ENKUR: variants seen among roughly 807,000 people sequenced by gnomAD.
ENKUR encodes the protein enkurin.
In ENKUR, 19 loss-of-function variants were observed where a neutral mutation model predicts 27.6. The observed-to-expected ratio is 0.69, with a 90% CI of 0.48 to 1.01. ENKUR has a LOEUF of 1.01. ENKUR is among the 50% of genes least tolerant of loss of function. The pLI is 0.00. For missense variants in ENKUR, 312 were observed against 310.5 expected, an observed-to-expected ratio of 1.00 and a Z score of -0.04; for synonymous variants, 117 against 96.9, an observed-to-expected ratio of 1.21 and a Z score of -1.22.
At chr10:25,036,628 C>A (rs1191490408) in intron 2 of ENKUR, among the ~76,000 whole-genome samples, 1 of 152,228 alleles carries the variant, frequency 6.6e-6, no homozygotes, top group Non-Finnish European at 1.5e-5. Context: ...GCTCTGACTT[C>A]AAGCTTGCAC....
intron 1 of ENKUR, among the ~76,000 whole-genome samples, chr10:25,012,298 A>C (rs1194734185): frequency 1.3e-5 from 2 of 152,230 alleles, no homozygotes; most frequent in African/African-American, 2.4e-5. Flanking sequence ...GGAGCCCCCC[A>C]CACAGAATTC....
chr10:25,018,571 A>G (rs1314870813), upstream of ENKUR, among the ~76,000 whole-genome samples: 1 of 151,990 alleles, frequency 6.6e-6, no homozygotes. Context: ...ATGGTGGGCC[A>G]GATTTAGCCT....
chr10:25,048,890 C>G (rs1851151789), intron 2 of ENKUR, among the ~76,000 whole-genome samples: 1 of 150,980 alleles, frequency 6.6e-6, no homozygotes, highest in South Asian at 2.1e-4. Context: ...AGATACAGAT[C>G]AACTTGGAAA....
chr10:25,021,421 T>C (rs867037344), intron 2 of ENKUR, among the ~76,000 whole-genome samples: 10 of 152,212 alleles, frequency 6.6e-5, no homozygotes, highest in Admixed American at 2.6e-4. Flanking sequence ...TTTTCCCCTC[T>C]GATCATTATA....
intron 1 of ENKUR, among the ~76,000 whole-genome samples, chr10:25,009,235 C>A (rs527467520): frequency 6.6e-6 from 1 of 151,484 alleles, no homozygotes; most frequent in South Asian, 2.1e-4. Context: ...TGCATATGTA[C>A]CCTAAACCTT....
chr10:25,024,206 C>T, intron 2 of ENKUR: 1 of 1,614,208 alleles, frequency 6.2e-7, no homozygotes, highest in Non-Finnish European at 8.5e-7. Flanking sequence ...TCAAAAATTG[C>T]TCCTGTCAGG....
intron 2 of ENKUR, among the ~76,000 whole-genome samples, chr10:25,033,401 C>CAAAAAAAAAAA (rs34472195): frequency 1.0e-4 from 6 of 59,968 alleles, no homozygotes; most frequent in African/African-American, 4.4e-4. Context: ...AAGACCTCGT[C>CAAAAAAAAAAA]AAAAAAAAAA....
intron 1 of ENKUR, among the ~76,000 whole-genome samples, chr10:25,011,345 G>C (rs1228863433): frequency 6.6e-6 from 1 of 151,886 alleles, no homozygotes; most frequent in Non-Finnish European, 1.5e-5. Context: ...CTGGATATTA[G>C]CCCTTTGTCA....
intron 2 of ENKUR, among the ~76,000 whole-genome samples, chr10:25,045,120 C>T (rs1443853305): frequency 5.9e-5 from 9 of 152,128 alleles, no homozygotes; most frequent in Non-Finnish European, 1.3e-4. Context: ...TTCATTTTTG[C>T]CGACTTTTAT....
intron 2 of ENKUR, among the ~76,000 whole-genome samples, chr10:25,057,054 T>G (rs1002465006): frequency 2.0e-5 from 3 of 152,160 alleles, no homozygotes; most frequent in Admixed American, 6.5e-5. Flanking sequence ...AAAGACACAT[T>G]TTACTTGGAA....
chr10:24,997,342 C>A (rs1012915814), intron 2 of ENKUR, among the ~76,000 whole-genome samples: 2 of 151,722 alleles, frequency 1.3e-5, no homozygotes, highest in African/African-American at 4.8e-5. Context: ...TCTCATTGGA[C>A]CGAGTTTTTA....
chr10:25,017,627 T>A (rs1850633442), upstream of ENKUR, among the ~76,000 whole-genome samples: 1 of 152,106 alleles, frequency 6.6e-6, no homozygotes, highest in South Asian at 2.1e-4. Flanking sequence ...TTTTCTTTTT[T>A]TTTTTTTTGT....
At chr10:25,005,621 G>T (rs560039798) in intron 1 of ENKUR, among the ~76,000 whole-genome samples, 3 of 152,292 alleles carry the variant, frequency 2.0e-5, no homozygotes, top group South Asian at 4.1e-4. Flanking sequence ...TTCTTGAGGA[G>T]AATTTTTACA....
intron 2 of ENKUR, among the ~76,000 whole-genome samples, chr10:25,039,553 C>T (rs535915103): frequency 6.6e-6 from 1 of 152,258 alleles, no homozygotes; most frequent in South Asian, 2.1e-4. Flanking sequence ...GCATTCCAAC[C>T]TGGGGGACAG....
intron 4 of ENKUR, among the ~76,000 whole-genome samples, chr10:24,988,254 G>GTA (rs1316997846): frequency 5.8e-5 from 8 of 137,294 alleles, no homozygotes; most frequent in Non-Finnish European, 9.1e-5. Flanking sequence ...ATATATATGT[G>GTA]TATATATATA....
chr10:25,020,487 G>T (rs1025166694), upstream of ENKUR, among the ~76,000 whole-genome samples: 5 of 152,076 alleles, frequency 3.3e-5, no homozygotes, highest in Admixed American at 3.3e-4. Flanking sequence ...GATTTACTGG[G>T]CCAGTATGGT....
intron 2 of ENKUR, among the ~76,000 whole-genome samples, chr10:25,057,423 ACACACAATGCCCTT>A (rs1851273912): frequency 6.9e-6 from 1 of 144,702 alleles, no homozygotes; most frequent in Admixed American, 6.9e-5. Context: ...ACACACACAC[ACACACAATGCCCTT>A]AAATCGCTCT....
At position 24,990,487 on chromosome 10, in the gene ENKUR, A is replaced by T; in HGVS notation, c.570T>A (p.Asp190Glu). The T allele has an allele frequency of 6.2e-7, 1 of 1,613,252 alleles. No individual in the cohort carries two copies. Among genetic ancestry groups the T allele is most frequent in the Non-Finnish European group, 8.5e-7 (1 of 1,179,816 alleles). Residue 190 changes from aspartate (D) to glutamate (E), a missense_variant, in exon 4 of 6, where the codon GAT becomes GAA. Coordinates refer to ENST00000331161, the MANE Select transcript of ENKUR (RefSeq NM_145010.4). ...LKKAAMKRLSDEEREAVLQGL... is the reference protein window; with the variant it reads ...LKKAAMKRLSEEEREAVLQGL... ...CCTGCAAAACTGCCTCCCTTTCTTCATCGGAGAGCCTTTTCATAGCTGCTT... is the reference window on the plus strand; with the variant it reads ...CCTGCAAAACTGCCTCCCTTTCTTCTTCGGAGAGCCTTTTCATAGCTGCTT...
At chr10:25,055,180 C>G (rs1465713357) in intron 2 of ENKUR, among the ~76,000 whole-genome samples, 1 of 152,076 alleles carries the variant, frequency 6.6e-6, no homozygotes, top group Non-Finnish European at 1.5e-5. Context: ...CAGGGATGGC[C>G]CTTCCTTCTC....
Sources: gnomAD v4.1 joint callset for allele counts (sites outside exome capture counted in the v4.1 genomes callset) on GRCh38, gnomAD v4.1.1 for gene constraint, MANE v1.5 for transcripts, NCBI Gene and HGNC (gene_info 2026-07-23, HGNC 2026-07-21) for gene names.